Variants in LASP1 observed in about 807,000 individuals in gnomAD.
LASP1 encodes the protein LIM and SH3 domain protein 1.
Under a neutral mutation model 38.6 loss-of-function variants are expected in LASP1, and 10 were observed. The observed-to-expected ratio is 0.26, with a 90% CI of 0.16 to 0.44. The LOEUF (loss-of-function observed/expected upper bound fraction) is 0.44. Among genes scored for constraint, LASP1 ranks in the 20% least tolerant of loss-of-function variants. The pLI is 1.00. For missense variants in LASP1, 243 were observed against 375.7 expected (o/e 0.65, Z 2.92); for synonymous variants, 132 against 140.8 (o/e 0.94, Z 0.44).
At chr17:38,894,519 A>G (rs1419280254) in intron 3 of LASP1, among the ~76,000 whole-genome samples, 1 of 152,094 alleles carries the variant, frequency 6.6e-6, no homozygotes, top group Non-Finnish European at 1.5e-5. Context: ...CTCTCTCCAG[A>G]GGGTGGTGTG....
chr17:38,899,841 T>G (rs1455021683), intron 4 of LASP1, among the ~76,000 whole-genome samples: 2 of 151,462 alleles, frequency 1.3e-5, no homozygotes, highest in East Asian at 3.9e-4. Context: ...TCTCCTGCCT[T>G]AGCCTCCCAA....
Position 38,918,752 on chromosome 17 carries a change from C to A in LASP1, c.760C>A (p.Pro254Thr). 6.2e-7 allele frequency: 1 copy of A among 1,614,014 alleles called. No individual in the cohort carries two copies. Among genetic ancestry groups the A allele is most frequent in the Non-Finnish European group, 8.5e-7 (1 of 1,180,016 alleles). ...GCGCACCGGCGACACGGGGATGCTG[C>A]CGGCCAACTACGTGGAGGCCATCTG... ...VERTGDTGML[P>T]ANYVEAI Residue 254 changes from proline (P) to threonine (T), a missense_variant, in exon 7 of 7, where the codon CCG (proline) becomes ACG (threonine). This residue lies in a region of LASP1 where 165 missense variants were observed against 210.3 expected (regional missense o/e 0.78). Transcript: ENST00000318008. The surrounding 1 kb of genome is among the most constrained non-coding windows in gnomAD (Gnocchi z 4.4).
chr17:38,919,586 C>A lies in LASP1; in HGVS notation c.*808C>A. ...CGCCCACCCCCAGTCTCCAGGGACC[C>A]TTGCCTGCCTCCTAGGCTGGAAGCC... is the stretch of plus-strand genomic sequence containing the variant. On this transcript the variant is annotated 3_prime_UTR_variant, in exon 7 of 7. Coordinates refer to ENST00000318008, the MANE Select transcript of LASP1 (RefSeq NM_006148.4). The A allele has an allele frequency of 3.9e-6, 1 of 257,988 alleles. No homozygotes were observed. Among genetic ancestry groups the A allele is most frequent in the Non-Finnish European group, 7.6e-6 (1 of 131,376 alleles). The allele number at this position is 257,988 out of a possible 1,614,324, so 16.0% of individuals were successfully genotyped here.
chr17:38,903,038 A>C (rs903608015), intron 4 of LASP1, among the ~76,000 whole-genome samples: 1 of 152,136 alleles, frequency 6.6e-6, no homozygotes. Flanking sequence ...GCCATCTTAC[A>C]AAAGAATGAG....
At chr17:38,910,465 GC>G (rs1914905011) in intron 4 of LASP1, among the ~76,000 whole-genome samples, 2 of 135,768 alleles carry the variant, frequency 1.5e-5, no homozygotes, top group Admixed American at 7.6e-5. Context: ...CCCCTCCACC[GC>G]CCCCTGCCAA....
At chr17:38,908,391 C>G (rs1414359192) in intron 4 of LASP1, among the ~76,000 whole-genome samples, 3 of 152,252 alleles carry the variant, frequency 2.0e-5, no homozygotes, top group African/African-American at 7.2e-5. Flanking sequence ...CCCTTGTGCC[C>G]TCCCCGCCAC....
chr17:38,873,498 C>G (rs757413100), intron 1 of LASP1, among the ~76,000 whole-genome samples: 2 of 152,230 alleles, frequency 1.3e-5, no homozygotes, highest in Admixed American at 6.5e-5. Flanking sequence ...TCTTTCTGCT[C>G]AGCTCTTCTG....
rs375330746 is a variant in LASP1, at chr17:38,918,788, G to T, written c.*10G>T. On this transcript the variant is annotated 3_prime_UTR_variant, in exon 7 of 7. Transcript: ENST00000318008. This position sits in a 1 kb window ranked among gnomAD's most constrained non-coding sequence, Gnocchi z 4.4. ...CGTGGAGGCCATCTGAACCCGCAGC[G>T]CCCCCATCTGTCTTCAGCACATTCC... The T allele has an allele frequency of 8.1e-6, 13 of 1,612,908 alleles. No homozygotes were observed. In the South Asian group the frequency reaches 1.3e-4, roughly 16 times the overall value.
chr17:38,920,723 C>G lies in LASP1; in HGVS notation c.*1945C>G. 4.3e-6 allele frequency: 1 copy of G among 233,676 alleles called. No homozygotes were observed. Among genetic ancestry groups the G allele is most frequent in the Non-Finnish European group, 8.5e-6 (1 of 118,080 alleles). The allele number at this position is 233,676 out of a possible 1,614,324, so 14.5% of individuals were successfully genotyped here. A position where few individuals can be genotyped will look rare whatever the true frequency, so the allele number is the denominator to read the frequency against. ...TGGGGAGGCCCTGCCTGACCCATCCCTTTTCCTTTCTGGCCCCAGCCTAGG... is the reference window on the plus strand; with the variant it reads ...TGGGGAGGCCCTGCCTGACCCATCCGTTTTCCTTTCTGGCCCCAGCCTAGG... On this transcript the variant is annotated 3_prime_UTR_variant, in exon 7 of 7. Coordinates refer to ENST00000318008, the MANE Select transcript of LASP1 (RefSeq NM_006148.4).
rs373618649 is a variant in LASP1, at chr17:38,918,592, A to G, written c.613-13A>G. On this transcript the variant is annotated splice_polypyrimidine_tract_variant and intron_variant, in intron 6 of 6. Coordinates refer to ENST00000318008, the MANE Select transcript of LASP1 (RefSeq NM_006148.4). The surrounding 1 kb of genome is among the most constrained non-coding windows in gnomAD (Gnocchi z 4.4). The stretch of plus-strand genomic sequence containing the variant: ...GCATGCAGGGCCCTAGGCTGACCAC[A>G]CTTCCCCCACAGAAGCGGTACCGCG... 4.1e-5 allele frequency: 65 copies of G among 1,576,280 alleles called. No individual in the cohort carries two copies. The East Asian group carries it at 1.2e-3, about 30-fold the overall frequency.
chr17:38,913,010 A>G (rs1915000463), intron 4 of LASP1, among the ~76,000 whole-genome samples: 1 of 152,186 alleles, frequency 6.6e-6, no homozygotes, highest in Admixed American at 6.5e-5. Flanking sequence ...GGGTCTGGGC[A>G]GAGTGCAGCT....
rs755117655 is a variant in LASP1, at chr17:38,914,370, G to A, written c.403G>A (p.Gly135Arg). 10 of 1,611,990 alleles carry A rather than the reference G, an allele frequency of 6.2e-6. No individual in the cohort carries two copies. The highest frequency in any genetic ancestry group is 1.7e-5 in the Admixed American group (1 of 59,942). The change falls in exon 5 of 7, where the codon GGG (glycine) becomes AGG (arginine). Residue 135 changes from glycine to arginine, a missense_variant. Coordinates refer to ENST00000318008, the MANE Select transcript of LASP1 (RefSeq NM_006148.4). ...EFEKSRMGPS[G>R]GEGMEPERRD... ...TGAGAAGAGCCGCATGGGCCCTAGC[G>A]GGGGCGAGGGCATGGAGCCAGAGCG...
intron 3 of LASP1, among the ~76,000 whole-genome samples, chr17:38,893,912 C>G (rs924155176): frequency 1.3e-5 from 2 of 152,250 alleles, no homozygotes; most frequent in African/African-American, 4.8e-5. Context: ...CAGCTGGCTT[C>G]TCTCCATGCC....
At position 38,920,118 on chromosome 17, in the gene LASP1, G is replaced by A. The variant is rs1318655761; in HGVS notation, c.*1340G>A. On this transcript the variant is annotated 3_prime_UTR_variant, in exon 7 of 7. Coordinates refer to ENST00000318008, the MANE Select transcript of LASP1 (RefSeq NM_006148.4). Reference sequence around the variant, plus strand: ...ATCTGCCCTTTGCAGTGTGCAGGGTGGAAGGTAAGAGGTTGGTGTGGAGTT... The same window carrying A: ...ATCTGCCCTTTGCAGTGTGCAGGGTAGAAGGTAAGAGGTTGGTGTGGAGTT... 2 of 536,568 alleles carry A rather than the reference G, an allele frequency of 3.7e-6. No homozygotes were observed. The highest frequency in any genetic ancestry group is 7.2e-6 in the Non-Finnish European group (2 of 276,574). 33.2% of individuals were successfully genotyped at this position (536,568 alleles called of 1,614,324 possible).
At chr17:38,887,994 C>T (rs1158988799) in intron 2 of LASP1, among the ~76,000 whole-genome samples, 1 of 152,132 alleles carries the variant, frequency 6.6e-6, no homozygotes, top group Admixed American at 6.5e-5. Flanking sequence ...TACCTGGGTG[C>T]AGCCTGTGAG....
chr17:38,877,164 C>G (rs1714577120), intron 1 of LASP1, among the ~76,000 whole-genome samples: 1 of 152,186 alleles, frequency 6.6e-6, no homozygotes, highest in Non-Finnish European at 1.5e-5. Flanking sequence ...CTCAGAGGTG[C>G]CAAGTGCTGT....
intron 1 of LASP1, among the ~76,000 whole-genome samples, chr17:38,877,077 A>G (rs1913802490): frequency 6.6e-6 from 1 of 152,156 alleles, no homozygotes. Flanking sequence ...ACCCCAACAC[A>G]CACAATCTCC....
At chr17:38,914,507 T>G in intron 5 of LASP1, 32 bp downstream of exon 5, 1 of 1,566,434 alleles carries the variant, frequency 6.4e-7, no homozygotes, top group Non-Finnish European at 8.7e-7. Flanking sequence ...GCAGATGACC[T>G]GAGGCGAGGC....
chr17:38,915,202 C>A, intron 6 of LASP1, 56 bp downstream of exon 6: 2 of 1,390,718 alleles, frequency 1.4e-6, no homozygotes, highest in Non-Finnish European at 2.0e-6. Flanking sequence ...TTCGGGAAGG[C>A]TTGGACACAG....
Sources: gnomAD v4.1 joint callset for allele counts (sites outside exome capture counted in the v4.1 genomes callset) on GRCh38, gnomAD v4.1.1 for gene constraint, gnomAD v4.1.1 regional missense constraint, Gnocchi (gnomAD v3.1) non-coding constraint, MANE v1.5 for transcripts, NCBI Gene and HGNC (gene_info 2026-07-23, HGNC 2026-07-21) for gene names.